SPIDR: variants seen among roughly 807,000 people sequenced by gnomAD.
The protein encoded by SPIDR is DNA repair-scaffolding protein.
SPIDR carries 93 observed loss-of-function variants against 104.6 expected under a neutral mutation model. The observed-to-expected ratio is 0.89, with a 90% CI of 0.75 to 1.06. The LOEUF (loss-of-function observed/expected upper bound fraction) is 1.06. Among genes scored for constraint, SPIDR ranks in the 50% least tolerant of loss-of-function variants. The pLI, the probability that SPIDR is intolerant of heterozygous loss-of-function variation, is 0.00. For missense variants in SPIDR, 1,154 were observed against 1,111.2 expected (o/e 1.04, Z -0.55); for synonymous variants, 431 against 416.9 (o/e 1.03, Z -0.41).
chr8:47,305,642 A>G (rs2042971280), intron 5 of SPIDR, among the ~76,000 whole-genome samples: 2 of 152,198 alleles, frequency 1.3e-5, no homozygotes, highest in Admixed American at 6.5e-5. Flanking sequence ...GTGCATATGT[A>G]TAATTTTCTG....
intron 8 of SPIDR, among the ~76,000 whole-genome samples, chr8:47,453,255 T>C (rs2072236445): frequency 6.6e-6 from 1 of 152,084 alleles, no homozygotes; most frequent in South Asian, 2.1e-4. Flanking sequence ...TGCTCATGGA[T>C]AGGAAGAATC....
At chr8:47,713,820 A>G (rs2082196768) in intron 16 of SPIDR, among the ~76,000 whole-genome samples, 179 bp downstream of exon 16, 1 of 152,200 alleles carries the variant, frequency 6.6e-6, no homozygotes. Context: ...GCACAGAAAG[A>G]TGTGAATCAG....
At chr8:47,341,317 A>G (rs1436469903) in intron 5 of SPIDR, among the ~76,000 whole-genome samples, 2 of 152,222 alleles carry the variant, frequency 1.3e-5, no homozygotes, top group African/African-American at 2.4e-5. Flanking sequence ...ATGTAAGAAT[A>G]TGTTCTTAAA....
intron 10 of SPIDR, among the ~76,000 whole-genome samples, chr8:47,637,858 AC>A (rs1329766773): frequency 6.6e-6 from 1 of 152,068 alleles, no homozygotes; most frequent in African/African-American, 2.4e-5. Context: ...CACAATGCAC[AC>A]CTAAGGAACA....
chr8:47,403,295 A>T (rs1224370148), intron 6 of SPIDR, among the ~76,000 whole-genome samples: 1 of 152,252 alleles, frequency 6.6e-6, no homozygotes, highest in East Asian at 1.9e-4. Flanking sequence ...AAACTGGCAC[A>T]AGACAGGGAT....
chr8:47,347,793 G>A (rs782076762), intron 5 of SPIDR, among the ~76,000 whole-genome samples: 12 of 151,726 alleles, frequency 7.9e-5, no homozygotes, highest in East Asian at 5.8e-4. Flanking sequence ...TTTGTTTTCC[G>A]TTTGCTTGGT....
At chr8:47,323,018 A>G (rs2047012093) in intron 5 of SPIDR, among the ~76,000 whole-genome samples, 1 of 152,046 alleles carries the variant, frequency 6.6e-6, no homozygotes, top group African/African-American at 2.4e-5. Flanking sequence ...CAGCAGACCA[A>G]CATGGCACAT....
intron 8 of SPIDR, among the ~76,000 whole-genome samples, chr8:47,452,205 A>G (rs2071917759): frequency 2.6e-5 from 4 of 152,208 alleles, no homozygotes; most frequent in Non-Finnish European, 5.9e-5. Context: ...GGGATCCTCA[A>G]TAATATTAAC....
intron 11 of SPIDR, among the ~76,000 whole-genome samples, chr8:47,678,278 AAGAAG>A (rs1391539482): frequency 6.6e-6 from 1 of 152,200 alleles, no homozygotes. Flanking sequence ...TTTTTGAGTG[AAGAAG>A]AGAAGAGGTC....
At chr8:47,327,192 A>T (rs1345083684) in intron 5 of SPIDR, among the ~76,000 whole-genome samples, 1 of 152,128 alleles carries the variant, frequency 6.6e-6, no homozygotes, top group Non-Finnish European at 1.5e-5. Context: ...ATTCTCTAAT[A>T]GCTAATGATG....
In SPIDR at chr8:47,730,397, A is replaced by C. The variant is rs576116441; in HGVS notation, c.2604+932A>C. ...AGCCACAGAAGGGGACCAGCCACTC[A>C]GTGGCCCCTGGGCACAGCCCCAGTT... On this transcript the variant is annotated intron_variant, in intron 19 of 19. Coordinates refer to ENST00000297423, the MANE Select transcript of SPIDR (RefSeq NM_001080394.4). Among the ~76,000 whole-genome samples, 3 of 152,356 alleles carry C rather than the reference A, an allele frequency of 2.0e-5. No homozygotes were observed. The East Asian group carries it at 5.8e-4, about 29-fold the overall frequency.
intron 5 of SPIDR, among the ~76,000 whole-genome samples, chr8:47,371,086 G>A (rs957118784): frequency 6.6e-6 from 1 of 150,506 alleles, no homozygotes; most frequent in Non-Finnish European, 1.5e-5. Context: ...AAGCAGCAGT[G>A]GGACTGTTGA....
Position 47,291,129 on chromosome 8 carries a change from T to C in SPIDR, c.353T>C (p.Leu118Ser), listed in dbSNP as rs1454632752. ...GATGAAGATAAGACACTTTCTCAGT[T>C]ACAGAGAGGTAATGGACATTGCTCT... ...LSDEDKTLSQ[L>S]QRDELQFIDW... Residue 118 changes from leucine (L) to serine (S), a missense_variant, in exon 4 of 20, where the codon TTA becomes TCA. Physicochemically the swap from Leu to Ser is moderately radical, Grantham distance 145. Coordinates refer to ENST00000297423, the MANE Select transcript of SPIDR (RefSeq NM_001080394.4). The C allele has an allele frequency of 3.7e-6, 6 of 1,609,366 alleles. No individual in the cohort carries two copies. In the East Asian group the frequency reaches 1.3e-4, roughly 36 times the overall value.
intron 19 of SPIDR, among the ~76,000 whole-genome samples, chr8:47,733,737 A>G (rs2085674130): frequency 6.6e-6 from 1 of 151,686 alleles, no homozygotes; most frequent in Non-Finnish European, 1.5e-5. Context: ...ATCATAATAA[A>G]CCCCATGTGT....
At chr8:47,685,502 TTTA>T (rs1209534594) in intron 11 of SPIDR, among the ~76,000 whole-genome samples, 9 of 131,908 alleles carry the variant, frequency 6.8e-5, no homozygotes, top group Non-Finnish European at 1.6e-4. Flanking sequence ...TATTTATTTA[TTTA>T]TTTATTTATT....
At chr8:47,307,335 C>G (rs1315979954) in intron 5 of SPIDR, among the ~76,000 whole-genome samples, 1 of 151,138 alleles carries the variant, frequency 6.6e-6, no homozygotes, top group East Asian at 1.9e-4. Flanking sequence ...GTTATCCTGC[C>G]TCAGCCTCCT....
intron 8 of SPIDR, among the ~76,000 whole-genome samples, chr8:47,446,501 A>G (rs782436552): frequency 1.3e-5 from 2 of 152,248 alleles, no homozygotes; most frequent in African/African-American, 2.4e-5. Flanking sequence ...CTGCTAACAC[A>G]ACATCCATTC....
chr8:47,674,538 C>T (rs1423128030), intron 11 of SPIDR, among the ~76,000 whole-genome samples: 1 of 152,122 alleles, frequency 6.6e-6, no homozygotes, highest in East Asian at 1.9e-4. Context: ...TGGAACTATC[C>T]AGTCATACAG....
chr8:47,286,222 T>C (rs2038820147), intron 3 of SPIDR, among the ~76,000 whole-genome samples: 1 of 152,192 alleles, frequency 6.6e-6, no homozygotes, highest in Non-Finnish European at 1.5e-5. Context: ...ACTTGAGAGC[T>C]ACGCATAATG....
Sources: allele counts gnomAD v4.1 joint callset (sites outside exome capture counted in the v4.1 genomes callset), GRCh38; gene constraint gnomAD v4.1.1; transcripts MANE v1.5; gene names NCBI Gene and HGNC (gene_info 2026-07-23, HGNC 2026-07-21).